Variants in ETS1 observed in about 807,000 individuals in gnomAD.
The protein encoded by ETS1 is protein C-ets-1.
A neutral mutation model predicts 58.6 loss-of-function variants in ETS1; 15 were observed. The observed-to-expected ratio is 0.26, with a 90% CI of 0.17 to 0.39. ETS1 has a LOEUF of 0.39. ETS1 is among the 10% of genes least tolerant of loss of function. The probability of loss-of-function intolerance (pLI) is 1.00; values close to 1 mark genes in which losing one functional copy is unlikely to be tolerated. For missense variants in ETS1, 417 were observed against 610.5 expected (o/e 0.68, Z 3.34); for synonymous variants, 214 against 218.2 (o/e 0.98, Z 0.17).
intron 4 of ETS1, 83 bp from the exon 5 acceptor site, chr11:128,489,573 G>T: frequency 1.9e-6 from 2 of 1,052,524 alleles, no homozygotes; most frequent in Non-Finnish European, 2.9e-6. Context: ...TGAAGGAGCT[G>T]AATTTAGCTG....
At chr11:128,505,758 G>A (rs958966792) in intron 3 of ETS1, among the ~76,000 whole-genome samples, 1 of 152,208 alleles carries the variant, frequency 6.6e-6, no homozygotes, top group Non-Finnish European at 1.5e-5. Context: ...CCATCTGCCT[G>A]GGTAGGTGAG....
intron 2 of ETS1, among the ~76,000 whole-genome samples, chr11:128,570,238 C>CT (rs200310590): frequency 0.32 from 42,998 of 135,458 alleles, 7,870 homozygotes; most frequent in Non-Finnish European, 0.42. Flanking sequence ...TTTTCTTTTC[C>CT]TTTTTTTTTT....
rs115265175 is a variant in ETS1 at position 128,493,343 on chromosome 11, G to A, written c.215-2767C>T. ...GACTGCTGAGCTGACAATTCTCCAC[G>A]TAGGTTTCTGCTTCCTGTCAGGGGG... On this transcript the variant is annotated intron_variant, in intron 3 of 9. Transcript: ENST00000392668. Among the ~76,000 whole-genome samples the A allele has an allele frequency of 6.5e-3, 987 of 152,316 alleles. 9 individuals are homozygous for A. Among genetic ancestry groups the A allele is most frequent in the African/African-American group, 0.023 (940 of 41,560 alleles).
chr11:128,510,779 A>G (rs1340576034), intron 3 of ETS1, among the ~76,000 whole-genome samples: 1 of 152,170 alleles, frequency 6.6e-6, no homozygotes, highest in Non-Finnish European at 1.5e-5. Flanking sequence ...ACTACTGGCT[A>G]CTTAAGGTTT....
chr11:128,522,418 G>T, intron 3 of ETS1: 1 of 917,270 alleles, frequency 1.1e-6, no homozygotes, highest in Non-Finnish European at 1.3e-6. Flanking sequence ...TGGGCCGGGC[G>T]ATGTCCGCTT....
At chr11:128,523,690 G>T (rs971564348) in intron 3 of ETS1, among the ~76,000 whole-genome samples, 1 of 152,156 alleles carries the variant, frequency 6.6e-6, no homozygotes, top group South Asian at 2.1e-4. Context: ...GTGGCTCCTG[G>T]TCTAAACTCC....
At chr11:128,492,062 A>T (rs1189496734) in intron 3 of ETS1, among the ~76,000 whole-genome samples, 2 of 152,214 alleles carry the variant, frequency 1.3e-5, no homozygotes, top group African/African-American at 4.8e-5. Context: ...AATCCCTACT[A>T]GCTTTCCTGT....
intron 3 of ETS1, among the ~76,000 whole-genome samples, chr11:128,540,751 A>C (rs952907413): frequency 6.6e-5 from 10 of 152,208 alleles, no homozygotes; most frequent in Admixed American, 6.5e-4. Context: ...AGGAGCACTA[A>C]TGAAGTGAGG....
chr11:128,516,376 A>G (rs989989023), intron 3 of ETS1, among the ~76,000 whole-genome samples: 3 of 152,252 alleles, frequency 2.0e-5, no homozygotes, highest in African/African-American at 7.2e-5. Flanking sequence ...TACTGCAAAC[A>G]TAGAGGCAAA....
intron 3 of ETS1, among the ~76,000 whole-genome samples, chr11:128,501,727 T>G (rs142844316): frequency 3.5e-4 from 53 of 152,344 alleles, no homozygotes; most frequent in African/African-American, 1.3e-3. Flanking sequence ...TTGGGTATAG[T>G]TGCTCAACCA....
At chr11:128,574,320 G>A (rs1227528552) in intron 1 of ETS1, among the ~76,000 whole-genome samples, 2 of 152,090 alleles carry the variant, frequency 1.3e-5, no homozygotes, top group Admixed American at 1.3e-4. Context: ...TTTTTCTTAT[G>A]TCTTTTCTTC....
chr11:128,494,346 G>A (rs910926801), intron 3 of ETS1, among the ~76,000 whole-genome samples: 5 of 152,182 alleles, frequency 3.3e-5, no homozygotes, highest in African/African-American at 1.2e-4. Flanking sequence ...ATATTTATAG[G>A]AATTCCCCTA....
rs1861877080 is a variant in ETS1 at position 128,460,312 on chromosome 11, C to T, written c.*2049G>A. On this transcript the variant is annotated 3_prime_UTR_variant, in exon 10 of 10. Coordinates refer to ENST00000392668, the MANE Select transcript of ETS1 (RefSeq NM_001143820.2). ...AATAATACAGCTGGGATAATTCTGC[C>T]TTTGCTTTCCATATGGATGCTCCAA... 1 of 152,778 alleles carries T rather than the reference C, an allele frequency of 6.5e-6. No individual in the cohort carries two copies. The highest frequency in any genetic ancestry group is 6.5e-5 in the Admixed American group (1 of 15,286). The allele number at this position is 152,778 out of a possible 1,614,324, so 9.5% of individuals were successfully genotyped here. A position where few individuals can be genotyped will look rare whatever the true frequency, so the allele number is the denominator to read the frequency against.
At chr11:128,515,872 C>T (rs1415264016) in intron 3 of ETS1, among the ~76,000 whole-genome samples, 1 of 152,156 alleles carries the variant, frequency 6.6e-6, no homozygotes, top group Non-Finnish European at 1.5e-5. Flanking sequence ...GTGGAAGGGG[C>T]AGTAATAAGC....
intron 3 of ETS1, among the ~76,000 whole-genome samples, chr11:128,540,838 G>A (rs11221340): frequency 7.0e-4 from 107 of 152,302 alleles, no homozygotes; most frequent in East Asian, 2.7e-3. Flanking sequence ...CTCTGAAAGC[G>A]GCAGGAAGGC....
intron 3 of ETS1, among the ~76,000 whole-genome samples, chr11:128,497,171 A>G (rs1862966276): frequency 6.6e-6 from 1 of 152,208 alleles, no homozygotes; most frequent in Admixed American, 6.5e-5. Flanking sequence ...CTGCAGAGAA[A>G]ATCCCCAATT....
At position 128,489,173 on chromosome 11, in the gene ETS1, C is replaced by T. The variant is rs544243943; in HGVS notation, c.535+117G>A. 8 of 824,568 alleles carry T rather than the reference C, an allele frequency of 9.7e-6. No homozygotes were observed. In the South Asian group the frequency reaches 1.2e-4, roughly 12 times the overall value. 51.1% of individuals were successfully genotyped at this position (824,568 alleles called of 1,614,324 possible). A position where few individuals can be genotyped will look rare whatever the true frequency, so the allele number is the denominator to read the frequency against. On this transcript the variant is annotated intron_variant, in intron 5 of 9. Coordinates refer to ENST00000392668, the MANE Select transcript of ETS1 (RefSeq NM_001143820.2). Reference sequence around the variant, plus strand: ...GTACTAGGCACATTCCCACATACGTCCTACAGTAGGACACCCACAGATAAA... The same window carrying T: ...GTACTAGGCACATTCCCACATACGTTCTACAGTAGGACACCCACAGATAAA...
intron 3 of ETS1, among the ~76,000 whole-genome samples, chr11:128,518,334 A>G (rs946876408): frequency 2.6e-5 from 4 of 152,202 alleles, no homozygotes; most frequent in Non-Finnish European, 5.9e-5. Context: ...TCTTCTAACA[A>G]ACATTCAAGG....
chr11:128,527,254 C>G (rs1863817871), intron 3 of ETS1: 1 of 245,192 alleles, frequency 4.1e-6, no homozygotes, highest in Non-Finnish European at 8.1e-6. Context: ...CTATTGCTGT[C>G]TGCAGTTTCT....
Sources: gnomAD v4.1 joint callset for allele counts (sites outside exome capture counted in the v4.1 genomes callset) on GRCh38, gnomAD v4.1.1 for gene constraint, MANE v1.5 for transcripts, NCBI Gene and HGNC (gene_info 2026-07-23, HGNC 2026-07-21) for gene names.